Variants in GOLIM4 observed in about 807,000 individuals in gnomAD.
GOLIM4 encodes golgi integral membrane protein 4.
GOLIM4 carries 71 observed loss-of-function variants against 107.4 expected under a neutral mutation model. That is an observed-to-expected ratio of 0.66 (90% CI 0.55 to 0.81). The LOEUF (loss-of-function observed/expected upper bound fraction) is 0.81, where lower values mean the gene tolerates loss of function less well. GOLIM4 is among the 30% of genes least tolerant of loss of function. GOLIM4 has a pLI of 0.00. For missense variants in GOLIM4, 830 were observed against 826.1 expected, an observed-to-expected ratio of 1.00 and a Z score of -0.06; for synonymous variants, 327 against 294.8, an observed-to-expected ratio of 1.11 and a Z score of -1.12.
At chr3:168,025,266 A>G (rs972533007) in intron 12 of GOLIM4, among the ~76,000 whole-genome samples, 171 bp from the exon 13 acceptor site, 3 of 152,142 alleles carry the variant, frequency 2.0e-5, no homozygotes, top group Non-Finnish European at 4.4e-5. Flanking sequence ...AAAAGAGAAA[A>G]CTCCTGCTTT....
At chr3:168,013,590 T>G (rs1305218421) in intron 14 of GOLIM4, among the ~76,000 whole-genome samples, 1 of 146,274 alleles carries the variant, frequency 6.8e-6, no homozygotes, top group Non-Finnish European at 1.5e-5. Flanking sequence ...AATATACATT[T>G]TTTTCAGCAC....
intron 1 of GOLIM4, among the ~76,000 whole-genome samples, chr3:168,078,978 C>T (rs1721204969): frequency 1.3e-5 from 2 of 152,040 alleles, no homozygotes; most frequent in African/African-American, 4.8e-5. Context: ...TTTGTACTAA[C>T]AGATCAGGAA....
At chr3:168,072,595 T>C (rs1720887825) in intron 1 of GOLIM4, among the ~76,000 whole-genome samples, 1 of 151,876 alleles carries the variant, frequency 6.6e-6, no homozygotes, top group Admixed American at 6.6e-5. Context: ...AAATGGGCCA[T>C]AAATAGCTAG....
intron 1 of GOLIM4, among the ~76,000 whole-genome samples, chr3:168,054,596 T>G (rs1156676555): frequency 6.6e-6 from 1 of 152,070 alleles, no homozygotes; most frequent in East Asian, 1.9e-4. Flanking sequence ...TCATGCTTTG[T>G]TTTTACTTAT....
intron 1 of GOLIM4, among the ~76,000 whole-genome samples, chr3:168,054,650 A>G (rs1311030928): frequency 1.3e-5 from 2 of 151,864 alleles, no homozygotes; most frequent in Non-Finnish European, 2.9e-5. Flanking sequence ...AATTTTTATT[A>G]CTGTTATAAA....
At chr3:168,075,198 A>G (rs1721008101) in intron 1 of GOLIM4, among the ~76,000 whole-genome samples, 1 of 152,112 alleles carries the variant, frequency 6.6e-6, no homozygotes, top group Non-Finnish European at 1.5e-5. Flanking sequence ...TTCCACATAA[A>G]CATATTTCTA....
intron 1 of GOLIM4, among the ~76,000 whole-genome samples, chr3:168,069,160 A>AT (rs1720712671): frequency 6.6e-6 from 1 of 151,994 alleles, no homozygotes; most frequent in Admixed American, 6.6e-5. Context: ...TACACAAACT[A>AT]TTTTTTTAAG....
At chr3:168,034,975 T>C (rs1309566421) in intron 8 of GOLIM4, among the ~76,000 whole-genome samples, 1 of 150,492 alleles carries the variant, frequency 6.6e-6, no homozygotes, top group Non-Finnish European at 1.5e-5. Context: ...CAGTCTAGGG[T>C]ATGTCTTTAT....
chr3:168,063,505 T>A (rs1720373872), intron 1 of GOLIM4, among the ~76,000 whole-genome samples: 1 of 152,074 alleles, frequency 6.6e-6, no homozygotes, highest in Non-Finnish European at 1.5e-5. Context: ...ATTTTCCTGA[T>A]GTGCTATGAA....
intron 1 of GOLIM4, among the ~76,000 whole-genome samples, chr3:168,054,164 T>A (rs1719802951): frequency 6.6e-6 from 1 of 152,204 alleles, no homozygotes; most frequent in South Asian, 2.1e-4. Flanking sequence ...TAAAATTCAA[T>A]CTTTTGAGTC....
intron 14 of GOLIM4, among the ~76,000 whole-genome samples, chr3:168,011,352 G>A (rs1262136152): frequency 2.0e-5 from 3 of 152,162 alleles, no homozygotes; most frequent in African/African-American, 2.4e-5. Flanking sequence ...AAAAAACGGC[G>A]CACCACGAGA....
chr3:168,024,662 G>A (rs1717898920), intron 13 of GOLIM4, 68 bp from the exon 14 acceptor site: 3 of 1,273,272 alleles, frequency 2.4e-6, no homozygotes, highest in Non-Finnish European at 3.4e-6. Flanking sequence ...AGTACTCTGG[G>A]ACAAAGAACA....
intron 1 of GOLIM4, among the ~76,000 whole-genome samples, chr3:168,076,092 AGAC>A (rs1331185848): frequency 6.6e-6 from 1 of 152,242 alleles, no homozygotes; most frequent in Non-Finnish European, 1.5e-5. Context: ...AAAAACAGAG[AGAC>A]GACATCTGCC....
At chr3:168,041,370 G>T (rs769654097) in intron 6 of GOLIM4, 22 bp downstream of exon 6, 11 of 1,412,134 alleles carry the variant, frequency 7.8e-6, no homozygotes. Flanking sequence ...ACTAAATAGT[G>T]AAACGTTTGG....
chr3:168,088,062 A>G (rs1276937880), intron 1 of GOLIM4, among the ~76,000 whole-genome samples: 2 of 152,226 alleles, frequency 1.3e-5, no homozygotes, highest in African/African-American at 4.8e-5. Flanking sequence ...AAACCCATAA[A>G]CCATCTACTG....
intron 8 of GOLIM4, among the ~76,000 whole-genome samples, chr3:168,036,231 T>G (rs1718644337): frequency 6.6e-6 from 1 of 152,162 alleles, no homozygotes; most frequent in Non-Finnish European, 1.5e-5. Context: ...ACAAAGCCAT[T>G]AAAGCCTTTC....
chr3:168,016,428 T>G (rs1485829711), intron 14 of GOLIM4, among the ~76,000 whole-genome samples: 10 of 130,774 alleles, frequency 7.6e-5, no homozygotes, highest in Admixed American at 5.7e-4. Flanking sequence ...ATAGGAACGC[T>G]TTTACACTGT....
chr3:168,080,046 G>A (rs1203563491), intron 1 of GOLIM4, among the ~76,000 whole-genome samples: 1 of 152,066 alleles, frequency 6.6e-6, no homozygotes, highest in Non-Finnish European at 1.5e-5. Flanking sequence ...TCTGTCATGT[G>A]CTACGTAAAA....
intron 14 of GOLIM4, among the ~76,000 whole-genome samples, chr3:168,016,474 G>T (rs1717371904): frequency 7.6e-6 from 1 of 132,216 alleles, no homozygotes; most frequent in Non-Finnish European, 1.5e-5. Flanking sequence ...CATTGTGGAA[G>T]TCAGTGTGGC....
Sources: gnomAD v4.1 joint callset for allele counts (sites outside exome capture counted in the v4.1 genomes callset) on GRCh38, gnomAD v4.1.1 for gene constraint, MANE v1.5 for transcripts, NCBI Gene and HGNC (gene_info 2026-07-23, HGNC 2026-07-21) for gene names.